FNDC3B: variants seen among roughly 807,000 people sequenced by gnomAD.
The protein encoded by FNDC3B is fibronectin type III domain containing 3B.
In FNDC3B, 12 loss-of-function variants were observed where a neutral mutation model predicts 151.5. The observed-to-expected ratio is 0.08, with a 90% CI of 0.05 to 0.13. FNDC3B has a LOEUF of 0.13. Ranked by LOEUF, FNDC3B falls within the 10% of genes least tolerant of loss-of-function variation. The pLI is 1.00. For synonymous variants in FNDC3B, 528 were observed against 549.0 expected (o/e 0.96, Z 0.54); for missense variants, 1,214 against 1,505.3 (o/e 0.81, Z 3.20).
intron 1 of FNDC3B, among the ~76,000 whole-genome samples, chr3:172,051,321 A>G (rs1407187391): frequency 6.6e-6 from 1 of 151,500 alleles, no homozygotes; most frequent in African/African-American, 2.4e-5. Flanking sequence ...ATCTTCTAGC[A>G]CTTTATCTGT....
At chr3:172,300,008 C>T (rs1730826952) in intron 9 of FNDC3B, among the ~76,000 whole-genome samples, 2 of 152,188 alleles carry the variant, frequency 1.3e-5, no homozygotes, top group South Asian at 4.1e-4. Flanking sequence ...TGTTTTAAGG[C>T]ATAAAGTGCA....
Position 172,298,725 on chromosome 3 carries a change from C to T in FNDC3B, c.1002-3C>T, listed in dbSNP as rs1254293225. 9 of 1,597,566 alleles carry T rather than the reference C, an allele frequency of 5.6e-6. No individual in the cohort carries two copies. Among genetic ancestry groups the T allele is most frequent in the Non-Finnish European group, 7.7e-6 (9 of 1,172,966 alleles). ...GCAACTAATGAATGCTTTTTCTTTACAGTGGAGAAGAATTAGAATGTAACC... is the reference window on the plus strand; with the variant it reads ...GCAACTAATGAATGCTTTTTCTTTATAGTGGAGAAGAATTAGAATGTAACC... On this transcript the variant is annotated splice_polypyrimidine_tract_variant and splice_region_variant and intron_variant, in intron 8 of 25. Coordinates refer to ENST00000415807, the MANE Select transcript of FNDC3B (RefSeq NM_022763.4).
At chr3:172,395,210 G>A (rs527954722) in intron 25 of FNDC3B, among the ~76,000 whole-genome samples, 3 of 152,124 alleles carry the variant, frequency 2.0e-5, no homozygotes, top group East Asian at 3.9e-4. Context: ...CAGCCAAATC[G>A]CTTATTGATT....
At chr3:172,247,415 A>G in intron 4 of FNDC3B, 118 bp from the exon 5 acceptor site, 6 of 1,092,446 alleles carry the variant, frequency 5.5e-6, no homozygotes, top group Non-Finnish European at 6.6e-6. Context: ...TACAACATGC[A>G]TTTGTTTTTT....
At chr3:172,180,565 G>T (rs1026430582) in intron 3 of FNDC3B, among the ~76,000 whole-genome samples, 6 of 152,182 alleles carry the variant, frequency 3.9e-5, no homozygotes, top group African/African-American at 1.4e-4. Flanking sequence ...TGTGTTAGTT[G>T]TGGGAATGGA....
chr3:172,141,929 G>A (rs1005390225), intron 3 of FNDC3B, among the ~76,000 whole-genome samples: 3 of 152,196 alleles, frequency 2.0e-5, no homozygotes, highest in Admixed American at 6.5e-5. Context: ...CCAAGAAGCA[G>A]TCAGGGCTAT....
intron 2 of FNDC3B, among the ~76,000 whole-genome samples, chr3:172,127,332 A>G (rs1720851857): frequency 6.6e-6 from 1 of 152,204 alleles, no homozygotes; most frequent in Non-Finnish European, 1.5e-5. Context: ...TATTGAATTG[A>G]CATGGTGAAA....
intron 25 of FNDC3B, among the ~76,000 whole-genome samples, chr3:172,386,124 G>A (rs2108381636): frequency 6.6e-6 from 1 of 152,222 alleles, no homozygotes; most frequent in South Asian, 2.1e-4. Context: ...AATATTCCAA[G>A]CACAGCTTTT....
At chr3:172,251,659 ATATTTGAG>A (rs1477944141) in intron 6 of FNDC3B, 118 bp downstream of exon 6, 2 of 906,714 alleles carry the variant, frequency 2.2e-6, no homozygotes, top group East Asian at 2.6e-5. Flanking sequence ...TCTGCTAAGA[ATATTTGAG>A]TAGACCTTCT....
chr3:172,083,175 G>A (rs558451966), intron 1 of FNDC3B, among the ~76,000 whole-genome samples: 1 of 152,304 alleles, frequency 6.6e-6, no homozygotes, highest in East Asian at 1.9e-4. Flanking sequence ...TTTCATGGAT[G>A]CTGGGAGAAG....
At chr3:172,195,391 T>C (rs941926037) in intron 3 of FNDC3B, among the ~76,000 whole-genome samples, 1 of 152,368 alleles carries the variant, frequency 6.6e-6, no homozygotes, top group East Asian at 1.9e-4. Flanking sequence ...TGGTACACTA[T>C]GTAGCATTTT....
chr3:172,202,289 T>C (rs576100552), intron 3 of FNDC3B, among the ~76,000 whole-genome samples: 3 of 152,348 alleles, frequency 2.0e-5, no homozygotes, highest in South Asian at 2.1e-4. Context: ...CCTTTATTCA[T>C]TGAAAAACAC....
rs1332077218 is a variant in FNDC3B at position 172,400,082 on chromosome 3, A to G, written c.*2607A>G. ...ATATGTGATATTGATATATAACTAT[A>G]TATATTGCCATCACACACGAACAAT... On this transcript the variant is annotated 3_prime_UTR_variant, in exon 26 of 26. Transcript: ENST00000415807. The G allele has an allele frequency of 6.6e-6, 1 of 152,480 alleles. No individual in the cohort carries two copies. The highest frequency in any genetic ancestry group is 2.4e-5 in the African/African-American group (1 of 41,438). The allele number at this position is 152,480 out of a possible 1,614,324, so 9.4% of individuals were successfully genotyped here. A position where few individuals can be genotyped will look rare whatever the true frequency, so the allele number is the denominator to read the frequency against.
rs905194553 is a variant in FNDC3B, at chr3:172,101,687, A to G, written c.-28-10765A>G. On this transcript the variant is annotated intron_variant, in intron 1 of 25. Transcript: ENST00000415807. ...TATTACTCTAGCAGTCTCTTCATCA[A>G]TAACTTGCTGCCCTTTGGAAATAAT... Among the ~76,000 whole-genome samples the G allele has an allele frequency of 5.9e-5, 9 of 152,242 alleles. No homozygotes were observed. The East Asian group carries it at 1.5e-3, about 26-fold the overall frequency.
intron 5 of FNDC3B, among the ~76,000 whole-genome samples, chr3:172,248,852 C>T (rs1727921936): frequency 6.7e-6 from 1 of 148,770 alleles, no homozygotes; most frequent in Non-Finnish European, 1.5e-5. Context: ...TAGAATTTGA[C>T]TGTATGTGTG....
At chr3:172,311,727 AATTAGCCGGGCG>A (rs1280781791) in intron 11 of FNDC3B, among the ~76,000 whole-genome samples, 109 of 147,796 alleles carry the variant, frequency 7.4e-4, no homozygotes, top group African/African-American at 2.7e-3. Flanking sequence ...AAAAAAAAAA[AATTAGCCGGGCG>A]TAGTGGCGGG....
intron 1 of FNDC3B, among the ~76,000 whole-genome samples, chr3:172,111,893 G>A (rs1180614774): frequency 6.6e-6 from 1 of 152,166 alleles, no homozygotes; most frequent in East Asian, 1.9e-4. Flanking sequence ...ATTTAAAATT[G>A]TGTGAGAGCG....
At chr3:172,233,902 C>T (rs1727011606) in intron 4 of FNDC3B, among the ~76,000 whole-genome samples, 2 of 152,176 alleles carry the variant, frequency 1.3e-5, no homozygotes, top group Admixed American at 1.3e-4. Context: ...CCATGGAAAA[C>T]AGCATAGTAC....
chr3:172,184,104 T>A (rs1330534315), intron 3 of FNDC3B: 2 of 152,328 alleles, frequency 1.3e-5, no homozygotes, highest in Middle Eastern at 6.8e-3. Context: ...AAATGAATAT[T>A]AAGTAATTTG....
Sources: allele counts gnomAD v4.1 joint callset (sites outside exome capture counted in the v4.1 genomes callset), GRCh38; gene constraint gnomAD v4.1.1; transcripts MANE v1.5; gene names NCBI Gene and HGNC (gene_info 2026-07-23, HGNC 2026-07-21).